The following NRXN3 variants were observed in gnomAD, a reference collection of about 807,000 sequenced individuals.
NRXN3 encodes the protein neurexin 3.
Under a neutral mutation model 137.6 loss-of-function variants are expected in NRXN3, and 32 were observed. The observed-to-expected ratio is 0.23, with a 90% confidence interval of 0.18 to 0.31. The LOEUF (loss-of-function observed/expected upper bound fraction) is 0.31. Ranked by LOEUF, NRXN3 falls within the 10% of genes least tolerant of loss-of-function variation. The pLI is 1.00. For synonymous variants in NRXN3, 798 were observed against 784.5 expected (o/e 1.02, Z -0.29); for missense variants, 1,574 against 2,062.5 (o/e 0.76, Z 4.59).
chr14:78,299,418 C>T (rs1181307287), intron 4 of NRXN3, among the ~76,000 whole-genome samples: 1 of 152,144 alleles, frequency 6.6e-6, no homozygotes, highest in East Asian at 1.9e-4. Context: ...CCTTTGGTGA[C>T]AAGTTACACC....
At chr14:78,499,094 C>T (rs1011303381) in intron 4 of NRXN3, among the ~76,000 whole-genome samples, 20 of 152,202 alleles carry the variant, frequency 1.3e-4, no homozygotes, top group African/African-American at 3.9e-4. Context: ...ATTCTTGGCT[C>T]ATAATAAGCA....
At chr14:78,732,001 G>C (rs1214312136) in intron 8 of NRXN3, among the ~76,000 whole-genome samples, 1 of 25,022 alleles carries the variant, frequency 4.0e-5, no homozygotes, top group Non-Finnish European at 1.2e-4. Flanking sequence ...AAGCTGTGGA[G>C]GGCTGGAAAT....
At chr14:78,868,972 A>G (rs972141127) in intron 10 of NRXN3, among the ~76,000 whole-genome samples, 1 of 152,196 alleles carries the variant, frequency 6.6e-6, no homozygotes, top group African/African-American at 2.4e-5. Flanking sequence ...GAGTAACTGT[A>G]GGTCCCGCTT....
At chr14:78,461,708 G>T (rs2094926365) in intron 4 of NRXN3, among the ~76,000 whole-genome samples, 1 of 152,234 alleles carries the variant, frequency 6.6e-6, no homozygotes, top group Non-Finnish European at 1.5e-5. Flanking sequence ...CCTGTTTTAA[G>T]AGTGCAGGGT....
intron 11 of NRXN3, among the ~76,000 whole-genome samples, chr14:78,960,722 G>T (rs2099406480): frequency 6.6e-6 from 1 of 152,180 alleles, no homozygotes; most frequent in African/African-American, 2.4e-5. Flanking sequence ...CTTCTTGCTA[G>T]TACAAAAACT....
chr14:79,310,332 GTAGCCTTGTAGTA>G, intron 15 of NRXN3, among the ~76,000 whole-genome samples: 1 of 99,082 alleles, frequency 1.0e-5, no homozygotes, highest in Non-Finnish European at 1.9e-5. Flanking sequence ...TTTGGTTACT[GTAGCCTTGTAGTA>G]TAGTTTGAAG....
chr14:79,776,019 T>C (rs566840289), intron 19 of NRXN3, among the ~76,000 whole-genome samples: 2 of 152,224 alleles, frequency 1.3e-5, no homozygotes, highest in African/African-American at 4.8e-5. Flanking sequence ...TAATGAGTGA[T>C]GGGATGAGTG....
intron 15 of NRXN3, among the ~76,000 whole-genome samples, chr14:79,098,463 C>G (rs2050726495): frequency 6.6e-6 from 1 of 152,086 alleles, no homozygotes; most frequent in African/African-American, 2.4e-5. Flanking sequence ...GGGTAGTTTC[C>G]CAGGAAAGAA....
chr14:79,670,855 TC>T (rs1205082759), intron 17 of NRXN3, among the ~76,000 whole-genome samples: 1 of 152,166 alleles, frequency 6.6e-6, no homozygotes, highest in East Asian at 1.9e-4. Context: ...ATCTTGACTT[TC>T]TACAATGAAG....
intron 10 of NRXN3, among the ~76,000 whole-genome samples, chr14:78,831,716 A>G (rs2152404769): frequency 6.6e-6 from 1 of 152,130 alleles, no homozygotes; most frequent in East Asian, 1.9e-4. Context: ...TAGTAATAGC[A>G]AAAATCAATG....
chr14:79,229,116 T>C (rs955271574), intron 15 of NRXN3, among the ~76,000 whole-genome samples: 8 of 152,142 alleles, frequency 5.3e-5, no homozygotes, highest in African/African-American at 1.9e-4. Flanking sequence ...TCATAGTCTT[T>C]TTTTCCTTCC....
At chr14:79,314,729 G>C (rs371701381) in intron 15 of NRXN3, among the ~76,000 whole-genome samples, 2 of 146,492 alleles carry the variant, frequency 1.4e-5, no homozygotes, top group East Asian at 4.1e-4. Flanking sequence ...AGGACGGGCA[G>C]ACTGCCTCCT....
At chr14:79,191,609 C>A (rs77725244) in intron 15 of NRXN3, among the ~76,000 whole-genome samples, 5,427 of 152,188 alleles carry the variant, frequency 0.036, 232 homozygotes, top group East Asian at 0.21. Flanking sequence ...AAATATAAGA[C>A]CTTTCCTTTT....
chr14:78,635,705 A>G (rs1003715575), intron 4 of NRXN3, among the ~76,000 whole-genome samples: 1 of 151,986 alleles, frequency 6.6e-6, no homozygotes, highest in East Asian at 1.9e-4. Context: ...AGTACTTTTG[A>G]TGATTCTTTT....
intron 2 of NRXN3, among the ~76,000 whole-genome samples, chr14:78,249,082 G>T (rs1275670594): frequency 6.6e-6 from 1 of 152,202 alleles, no homozygotes; most frequent in Non-Finnish European, 1.5e-5. Flanking sequence ...TAACTGCTGA[G>T]GGAAAAGCAA....
At chr14:78,559,613 C>T (rs894883999) in intron 4 of NRXN3, among the ~76,000 whole-genome samples, 1 of 152,208 alleles carries the variant, frequency 6.6e-6, no homozygotes, top group African/African-American at 2.4e-5. Context: ...TACCACCAGC[C>T]ATGCACAAGA....
intron 20 of NRXN3, among the ~76,000 whole-genome samples, chr14:79,850,257 C>G (rs2099388888): frequency 6.6e-6 from 1 of 152,138 alleles, no homozygotes; most frequent in Non-Finnish European, 1.5e-5. Flanking sequence ...TGAGATGGTT[C>G]CCTCTGCCTT....
chr14:78,516,310 A>G (rs549445316), intron 4 of NRXN3, among the ~76,000 whole-genome samples: 2 of 143,680 alleles, frequency 1.4e-5, no homozygotes, highest in Non-Finnish European at 3.1e-5. Flanking sequence ...CATACCAGTC[A>G]CTGGCTTCTC....
intron 19 of NRXN3, among the ~76,000 whole-genome samples, chr14:79,733,331 A>G (rs536031169): frequency 1.3e-5 from 2 of 152,340 alleles, no homozygotes; most frequent in East Asian, 1.9e-4. Context: ...TGTAATATGC[A>G]TACCTGGCTT....
Sources: gnomAD v4.1 joint callset for allele counts (sites outside exome capture counted in the v4.1 genomes callset) on GRCh38, gnomAD v4.1.1 for gene constraint, MANE v1.5 for transcripts, NCBI Gene and HGNC (gene_info 2026-07-23, HGNC 2026-07-21) for gene names.